Variants in AFF2 observed in about 807,000 individuals in gnomAD.
The protein encoded by AFF2 is ALF transcription elongation factor 2.
AFF2 carries 14 observed loss-of-function variants against 76.9 expected under a neutral mutation model. The observed-to-expected ratio is 0.18, with a 90% CI of 0.12 to 0.28. AFF2 has a LOEUF of 0.28. Ranked by LOEUF, AFF2 falls within the 10% of genes least tolerant of loss-of-function variation. The pLI is 1.00. For synonymous variants in AFF2, 398 were observed against 366.7 expected, an observed-to-expected ratio of 1.09 and a Z score of -0.98; for missense variants, 868 against 1,001.1, an observed-to-expected ratio of 0.87 and a Z score of 1.79.
intron 3 of AFF2, among the ~76,000 whole-genome samples, chrX:148,717,816 C>T (rs909456272): frequency 9.0e-6 from 1 of 111,236 alleles, no homozygotes; most frequent in African/African-American, 3.3e-5. Flanking sequence ...TGGTCTTCCT[C>T]ATTCACCTGC....
chrX:148,778,135 T>C (rs2069691278), intron 3 of AFF2, among the ~76,000 whole-genome samples: 1 of 111,866 alleles, frequency 8.9e-6, no homozygotes, highest in African/African-American at 3.3e-5. Context: ...ATTGGTTCTG[T>C]TTATGTGATG....
intron 9 of AFF2, among the ~76,000 whole-genome samples, chrX:148,940,586 A>C (rs1569557296): frequency 9.0e-6 from 1 of 111,445 alleles, no homozygotes; most frequent in Non-Finnish European, 1.9e-5. Context: ...AGGTCCTGCC[A>C]GTTCTTGGTG....
At chrX:148,762,495 T>TGTGTGC (rs2124588598) in intron 3 of AFF2, among the ~76,000 whole-genome samples, 1 of 105,682 alleles carries the variant, frequency 9.5e-6, no homozygotes, top group East Asian at 2.9e-4. Flanking sequence ...TGTGTGTGTG[T>TGTGTGC]GTGTGTGTGT....
At chrX:148,647,080 A>G (rs782165127) in intron 1 of AFF2, among the ~76,000 whole-genome samples, 4 of 112,481 alleles carry the variant, frequency 3.6e-5, no homozygotes, top group African/African-American at 1.3e-4. Context: ...TCTGGAACAT[A>G]TAACATGGAT....
intron 3 of AFF2, among the ~76,000 whole-genome samples, chrX:148,751,892 T>C (rs1290069080): frequency 6.2e-5 from 7 of 112,215 alleles, no homozygotes; most frequent in African/African-American, 2.3e-4. Flanking sequence ...TAGGAATTTA[T>C]TTCTCACAGT....
At chrX:148,835,381 C>T (rs1216240119) in intron 4 of AFF2, among the ~76,000 whole-genome samples, 1 of 109,679 alleles carries the variant, frequency 9.1e-6, no homozygotes, top group African/African-American at 3.3e-5. Flanking sequence ...TTTTAATTGA[C>T]AAAAATTGTA....
At chrX:148,883,540 G>A (rs2071121761) in intron 7 of AFF2, among the ~76,000 whole-genome samples, 1 of 111,470 alleles carries the variant, frequency 9.0e-6, no homozygotes, top group South Asian at 3.8e-4. Context: ...CCCAGATATC[G>A]GGGTTTATGA....
intron 1 of AFF2, among the ~76,000 whole-genome samples, chrX:148,517,418 CAT>C (rs2052547473): frequency 8.9e-6 from 1 of 111,747 alleles, no homozygotes. Flanking sequence ...AGTCATCTGT[CAT>C]ATAAGGAAAT....
intron 3 of AFF2, among the ~76,000 whole-genome samples, chrX:148,809,505 A>G (rs1178864297): frequency 8.9e-6 from 1 of 112,123 alleles, no homozygotes; most frequent in Non-Finnish European, 1.9e-5. Context: ...AGTGTTTCGT[A>G]TAGGCCTTAT....
chrX:148,635,710 G>T (rs2054024231), intron 1 of AFF2, among the ~76,000 whole-genome samples: 2 of 111,469 alleles, frequency 1.8e-5, no homozygotes, highest in African/African-American at 6.5e-5. Context: ...AGGCAACAAG[G>T]AAGATGAATC....
intron 1 of AFF2, among the ~76,000 whole-genome samples, chrX:148,634,580 T>C (rs1557253532): frequency 8.9e-6 from 1 of 112,190 alleles, no homozygotes; most frequent in Admixed American, 9.5e-5. Flanking sequence ...TACATCTCTA[T>C]GTAAGTGGGA....
chrX:148,903,310 T>C (rs1355816735), intron 8 of AFF2, among the ~76,000 whole-genome samples: 5 of 112,114 alleles, frequency 4.5e-5, no homozygotes, highest in Non-Finnish European at 7.5e-5. Context: ...ACCCTCCAGG[T>C]GCTTAAACAG....
intron 1 of AFF2, among the ~76,000 whole-genome samples, chrX:148,646,009 T>C (rs782809529): frequency 2.7e-5 from 3 of 112,252 alleles, no homozygotes; most frequent in Non-Finnish European, 5.6e-5. Flanking sequence ...GAAAATAGTA[T>C]GCTCAGTGAA....
intron 7 of AFF2, among the ~76,000 whole-genome samples, chrX:148,884,452 C>T (rs2071133597): frequency 8.9e-6 from 1 of 112,469 alleles, no homozygotes; most frequent in Non-Finnish European, 1.9e-5. Flanking sequence ...GTAACTTTCC[C>T]CCTATTTATC....
chrX:148,766,017 C>G (rs1557267700), intron 3 of AFF2, among the ~76,000 whole-genome samples: 1 of 110,102 alleles, frequency 9.1e-6, no homozygotes, highest in East Asian at 2.9e-4. Flanking sequence ...ATCCATGTCT[C>G]TACAAAGGAC....
At chrX:148,506,181 A>C (rs1290580236) in intron 1 of AFF2, among the ~76,000 whole-genome samples, 1 of 111,508 alleles carries the variant, frequency 9.0e-6, no homozygotes, top group East Asian at 2.8e-4. Context: ...CAGTGATGCA[A>C]TCCAGGTTTC....
At chrX:148,967,346 A>C (rs7060998) in intron 14 of AFF2, among the ~76,000 whole-genome samples, 3,350 of 111,746 alleles carry the variant, frequency 0.03, 111 homozygotes, top group African/African-American at 0.1. Flanking sequence ...CCTCACATAT[A>C]ACCAACACAC....
chrX:148,945,738 T>C (rs2071892774), intron 9 of AFF2, among the ~76,000 whole-genome samples: 1 of 112,379 alleles, frequency 8.9e-6, no homozygotes, highest in Non-Finnish European at 1.9e-5. Context: ...TGATATATTA[T>C]CCCCATTTTA....
Position 148,652,060 on chromosome X carries a change from G to A in AFF2, c.109G>A (p.Val37Ile), listed in dbSNP as rs1302883189. Residue 37 changes from valine to isoleucine, a missense_variant, in exon 2 of 21, where the codon GTC (valine) becomes ATC (isoleucine). By Grantham distance (29) the Val-to-Ile change is conservative. Around this residue, in one of 6 missense-constraint regions of AFF2, gnomAD observed 196 missense variants for 194.8 expected, o/e 1.01. Coordinates refer to ENST00000370460, the MANE Select transcript of AFF2 (RefSeq NM_002025.4). ...GGAATGGGAGCGGAGGAATCAAGAAGTCCAGCAAGAAGACGATCTCTTTTC... is the reference window on the plus strand; with the variant it reads ...GGAATGGGAGCGGAGGAATCAAGAAATCCAGCAAGAAGACGATCTCTTTTC... ...KREWERRNQE[V>I]QQEDDLFSSG... 13 of 1,204,601 alleles carry A rather than the reference G, an allele frequency of 1.1e-5. No individual in the cohort carries two copies. Among genetic ancestry groups the A allele is most frequent in the Non-Finnish European group, 1.5e-5 (13 of 889,144 alleles).
Sources: allele counts gnomAD v4.1 joint callset (sites outside exome capture counted in the v4.1 genomes callset), GRCh38; gene constraint gnomAD v4.1.1; regional missense constraint gnomAD v4.1.1; transcripts MANE v1.5; gene names NCBI Gene and HGNC (gene_info 2026-07-23, HGNC 2026-07-21).